FGFR1: variants seen among roughly 807,000 people sequenced by gnomAD.
FGFR1 encodes the protein FGFR1/PLAG1 fusion.
FGFR1 carries 18 observed loss-of-function variants against 93.7 expected under a neutral mutation model. That is an observed-to-expected ratio of 0.19 (90% CI 0.13 to 0.28). The LOEUF (loss-of-function observed/expected upper bound fraction) is 0.28. Ranked by LOEUF, FGFR1 falls within the 10% of genes least tolerant of loss-of-function variation. The pLI, the probability that FGFR1 is intolerant of heterozygous loss-of-function variation, is 1.00. For synonymous variants in FGFR1, 448 were observed against 429.3 expected (o/e 1.04, Z -0.54); for missense variants, 731 against 1,080.4 (o/e 0.68, Z 4.53).
At chr8:38,419,468 G>C in intron 9 of FGFR1, 65 bp downstream of exon 9, 3 of 1,405,720 alleles carry the variant, frequency 2.1e-6, no homozygotes, top group Non-Finnish European at 3.0e-6. Flanking sequence ...ACAATGGAGA[G>C]GGCAGGGCAT....
At chr8:38,419,483 G>A (rs1167230733) in intron 9 of FGFR1, 50 bp downstream of exon 9, 1 of 1,507,630 alleles carries the variant, frequency 6.6e-7, no homozygotes, top group East Asian at 2.3e-5. Context: ...GGGCATTAGA[G>A]GCCCAGAGAG....
chr8:38,415,666 T>A (rs907433701), intron 13 of FGFR1, among the ~76,000 whole-genome samples: 2 of 152,094 alleles, frequency 1.3e-5, no homozygotes, highest in African/African-American at 4.8e-5. Context: ...GGACCCTGCA[T>A]CAGTCTGACC....
chr8:38,465,632 A>G (rs1213250905), intron 1 of FGFR1: 1 of 224,562 alleles, frequency 4.5e-6, no homozygotes, highest in Non-Finnish European at 8.9e-6. Context: ...GACGGCCGGC[A>G]ATAGCAGAGG....
At chr8:38,448,934 G>A (rs1830237243) in intron 2 of FGFR1, among the ~76,000 whole-genome samples, 1 of 151,920 alleles carries the variant, frequency 6.6e-6, no homozygotes, top group Admixed American at 6.6e-5. Flanking sequence ...CAGCCTGGAT[G>A]ACTAAGCGAG....
At chr8:38,427,851 G>A (rs1224524882) in intron 5 of FGFR1, 70 bp downstream of exon 5, 5 of 1,546,760 alleles carry the variant, frequency 3.2e-6, no homozygotes, top group Non-Finnish European at 4.5e-6. Context: ...TGAAAAGCAT[G>A]TAATCAGGAC....
intron 1 of FGFR1, among the ~76,000 whole-genome samples, chr8:38,459,827 A>G (rs933742972): frequency 6.6e-6 from 1 of 152,178 alleles, no homozygotes; most frequent in Non-Finnish European, 1.5e-5. Context: ...CAAGTAGATA[A>G]GGGTAAATCC....
At chr8:38,466,398 T>G (rs1835508394) in intron 1 of FGFR1, 1 of 231,700 alleles carries the variant, frequency 4.3e-6, no homozygotes, top group Non-Finnish European at 8.5e-6. Flanking sequence ...TCAAGGCCAG[T>G]TCTGGCCAGA....
At chr8:38,459,604 C>G (rs1212584990) in intron 1 of FGFR1, among the ~76,000 whole-genome samples, 2 of 152,078 alleles carry the variant, frequency 1.3e-5, no homozygotes, top group Non-Finnish European at 1.5e-5. Flanking sequence ...TAATTCATTC[C>G]TCACTATAAA....
At chr8:38,459,790 T>C (rs1833909093) in intron 1 of FGFR1, among the ~76,000 whole-genome samples, 1 of 152,132 alleles carries the variant, frequency 6.6e-6, no homozygotes, top group Admixed American at 6.5e-5. Flanking sequence ...CCTGACTCCA[T>C]CTGATGCAAA....
rs935208386 is a variant in FGFR1 at position 38,412,249 on chromosome 8, T to A, written c.*1379A>T. On this transcript the variant is annotated 3_prime_UTR_variant, in exon 18 of 18. Transcript: ENST00000447712. ...ATTTTTAGTAGAGATGGGGTTTCAC[T>A]AAGTTGGCCAGGCTGGTCTCAAACT... is the stretch of plus-strand genomic sequence containing the variant. 2.3e-5 allele frequency: 5 copies of A among 216,208 alleles called. No individual in the cohort carries two copies. Among genetic ancestry groups the A allele is most frequent in the Non-Finnish European group, 4.7e-5 (5 of 107,406 alleles). 13.4% of individuals were successfully genotyped at this position (216,208 alleles called of 1,614,324 possible).
intron 2 of FGFR1, chr8:38,440,193 G>T: frequency 1.1e-6 from 1 of 886,914 alleles, no homozygotes; most frequent in East Asian, 2.7e-5. Flanking sequence ...AACTCGGGGT[G>T]GCTTTGAAAG....
chr8:38,417,608 G>A lies in FGFR1; in HGVS notation c.1553-192C>T, dbSNP rs1563451919. 1.7e-5 allele frequency: 12 copies of A among 719,924 alleles called. No individual in the cohort carries two copies. The East Asian group carries it at 3.2e-4, about 19-fold the overall frequency. 44.6% of individuals were successfully genotyped at this position (719,924 alleles called of 1,614,324 possible). A position where few individuals can be genotyped will look rare whatever the true frequency, so the allele number is the denominator to read the frequency against. On this transcript the variant is annotated intron_variant, in intron 11 of 17. Coordinates refer to ENST00000447712, the MANE Select transcript of FGFR1 (RefSeq NM_023110.3). The stretch of plus-strand genomic sequence containing the variant: ...GCAATAGGTGGTAGTGAGTGGGCAG[G>A]GATGTGGTGAGGAAAGCCTGCAAGC...
intron 1 of FGFR1, among the ~76,000 whole-genome samples, chr8:38,460,457 T>C (rs560357932): frequency 5.6e-4 from 85 of 151,926 alleles, no homozygotes; most frequent in African/African-American, 2.0e-3. Context: ...AGTGGTGTCA[T>C]GTTGAGATGG....
At position 38,417,903 on chromosome 8, in the gene FGFR1, G is replaced by A. The variant is rs776549085; in HGVS notation, c.1519C>T (p.Arg507Cys). The change falls in exon 11 of 18, where the codon CGT becomes TGT. Residue 507 changes from arginine to cysteine, a missense_variant. Arg to Cys is a radical substitution (Grantham distance 180). Coordinates refer to ENST00000447712, the MANE Select transcript of FGFR1 (RefSeq NM_023110.3). The part of the protein sequence containing the change: ...AIGLDKDKPN[R>C]VTKVAVKMLK... ...ATCTTCACAGCCACTTTGGTCACACGGTTGGGTTTGTCCTTGTCCAGCCCG... is the reference window on the plus strand; with the variant it reads ...ATCTTCACAGCCACTTTGGTCACACAGTTGGGTTTGTCCTTGTCCAGCCCG... 15 of 1,614,058 alleles carry A rather than the reference G, an allele frequency of 9.3e-6. No individual in the cohort carries two copies. Among genetic ancestry groups the A allele is most frequent in the African/African-American group, 2.7e-5 (2 of 74,908 alleles).
intron 1 of FGFR1, among the ~76,000 whole-genome samples, chr8:38,465,102 G>A (rs72630656): frequency 0.094 from 14,296 of 152,246 alleles, 857 homozygotes; most frequent in Admixed American, 0.19. Context: ...CCCAGCCTGA[G>A]GGATGCACCG....
Position 38,426,340 on chromosome 8 carries a change from C to CA in FGFR1, c.622-96dup. ...ACCCCGTGGCACCTGCCCTCCATAT[C>CA]AGAGCCTGGTGGCACAGGGCCCCAG... On this transcript the variant is annotated intron_variant, in intron 5 of 17. Coordinates refer to ENST00000447712, the MANE Select transcript of FGFR1 (RefSeq NM_023110.3). The surrounding 1 kb of genome is among the most constrained non-coding windows in gnomAD (Gnocchi z 4.1). The CA allele has an allele frequency of 2.6e-6, 4 of 1,567,022 alleles. No homozygotes were observed. Among genetic ancestry groups the CA allele is most frequent in the Non-Finnish European group, 3.5e-6 (4 of 1,148,182 alleles).
At chr8:38,462,695 C>T (rs888454689) in intron 1 of FGFR1, among the ~76,000 whole-genome samples, 16 of 151,636 alleles carry the variant, frequency 1.1e-4, no homozygotes, top group Non-Finnish European at 1.5e-4. Context: ...GCTCAACCAC[C>T]GCCTCCCGGG....
At chr8:38,428,651 A>C in intron 3 of FGFR1, 1 of 584,022 alleles carries the variant, frequency 1.7e-6, no homozygotes, top group Non-Finnish European at 3.1e-6. Flanking sequence ...ACTGCCTGGA[A>C]GCCTTCACAC....
At chr8:38,459,921 T>C (rs1833948039) in intron 1 of FGFR1, among the ~76,000 whole-genome samples, 1 of 152,180 alleles carries the variant, frequency 6.6e-6, no homozygotes, top group African/African-American at 2.4e-5. Context: ...TGTTGGCTCA[T>C]ACCTACAATC....
Sources: gnomAD v4.1 joint callset for allele counts (sites outside exome capture counted in the v4.1 genomes callset) on GRCh38, gnomAD v4.1.1 for gene constraint, Gnocchi (gnomAD v3.1) non-coding constraint, MANE v1.5 for transcripts, NCBI Gene and HGNC (gene_info 2026-07-23, HGNC 2026-07-21) for gene names.